Variants in LCLAT1 observed in about 807,000 individuals in gnomAD.
LCLAT1 encodes 1-AGP acyltransferase 8.
LCLAT1 carries 11 observed loss-of-function variants against 30.7 expected under a neutral mutation model. The observed-to-expected ratio is 0.36, with a 90% CI of 0.23 to 0.59. The LOEUF is 0.59. Ranked by LOEUF, LCLAT1 falls within the 20% of genes least tolerant of loss-of-function variation. The pLI is 0.77. For synonymous variants in LCLAT1, 155 were observed against 151.3 expected, an observed-to-expected ratio of 1.02 and a Z score of -0.18; for missense variants, 402 against 458.6, an observed-to-expected ratio of 0.88 and a Z score of 1.13.
chr2:30,514,880 A>G (rs1685109999), intron 1 of LCLAT1, among the ~76,000 whole-genome samples: 1 of 152,206 alleles, frequency 6.6e-6, no homozygotes, highest in South Asian at 2.1e-4. Flanking sequence ...TGAAACGTTT[A>G]TATACATTTC....
At chr2:30,569,802 T>C (rs1665694273) in intron 5 of LCLAT1, among the ~76,000 whole-genome samples, 1 of 152,212 alleles carries the variant, frequency 6.6e-6, no homozygotes, top group South Asian at 2.1e-4. Context: ...TGGTTTGCTT[T>C]TGCAATTCCG....
At chr2:30,534,798 C>G (rs544347230) in intron 3 of LCLAT1, among the ~76,000 whole-genome samples, 2 of 152,082 alleles carry the variant, frequency 1.3e-5, no homozygotes, top group African/African-American at 4.8e-5. Flanking sequence ...TTACCATCCT[C>G]AAAGATTCTA....
At chr2:30,556,980 G>A (rs547203147) in intron 3 of LCLAT1, among the ~76,000 whole-genome samples, 5 of 152,066 alleles carry the variant, frequency 3.3e-5, no homozygotes, top group East Asian at 1.9e-4. Flanking sequence ...CCAACCTCAC[G>A]TGATCCGCCT....
chr2:30,490,123 A>C (rs1572517022), intron 1 of LCLAT1, among the ~76,000 whole-genome samples: 1 of 151,896 alleles, frequency 6.6e-6, no homozygotes, highest in Admixed American at 6.6e-5. Flanking sequence ...GAAATTTCAC[A>C]GTTATTAAGT....
intron 5 of LCLAT1, among the ~76,000 whole-genome samples, chr2:30,576,887 G>A (rs984068000): frequency 1.3e-5 from 2 of 151,308 alleles, no homozygotes; most frequent in Non-Finnish European, 2.9e-5. Flanking sequence ...GTTGAGTATT[G>A]CAAAGTAATA....
At position 30,449,360 on chromosome 2, in the gene LCLAT1, A is replaced by G. The variant is rs115281793; in HGVS notation, c.-5+1977A>G. ...TTTTGTTTGTGATCTTGTGTAAATA[A>G]TAATCATGGTTTATTCCATTGGCGT... is the stretch of plus-strand genomic sequence containing the variant. On this transcript the variant is annotated intron_variant, in intron 1 of 5. Transcript: ENST00000379509. 7.2e-3 allele frequency among the ~76,000 whole-genome samples: 1,098 copies of G among 152,354 alleles called. 10 individuals carry two copies. Among genetic ancestry groups the G allele is most frequent in the Non-Finnish European group, 0.012 (810 of 68,026 alleles).
At chr2:30,479,736 A>G (rs1456892786) in intron 1 of LCLAT1, among the ~76,000 whole-genome samples, 1 of 152,210 alleles carries the variant, frequency 6.6e-6, no homozygotes, top group African/African-American at 2.4e-5. Flanking sequence ...TTATTAAGTC[A>G]TATACTTAGG....
intron 5 of LCLAT1, among the ~76,000 whole-genome samples, chr2:30,575,433 A>G (rs17009815): frequency 2.0e-5 from 3 of 152,218 alleles, no homozygotes; most frequent in Admixed American, 2.0e-4. Context: ...CATCTCTCGC[A>G]TACACACATA....
chr2:30,520,166 C>T (rs1685406623), intron 1 of LCLAT1, among the ~76,000 whole-genome samples: 1 of 152,136 alleles, frequency 6.6e-6, no homozygotes, highest in South Asian at 2.1e-4. Flanking sequence ...TCCGTGAGGC[C>T]AAGAACCCCC....
chr2:30,519,563 A>C (rs961711230), intron 1 of LCLAT1, among the ~76,000 whole-genome samples: 10 of 152,338 alleles, frequency 6.6e-5, no homozygotes, highest in Middle Eastern at 3.4e-3. Context: ...TAGCTGGGGA[A>C]GGTGACCTCA....
intron 5 of LCLAT1, among the ~76,000 whole-genome samples, chr2:30,627,472 G>C (rs937995172): frequency 6.6e-6 from 1 of 152,038 alleles, no homozygotes; most frequent in Non-Finnish European, 1.5e-5. Context: ...TGTTATGTTC[G>C]CAGGCTAGCT....
intron 4 of LCLAT1, 137 bp downstream of exon 4, chr2:30,562,429 AGGAGGCTGAGACT>A (rs1665275112): frequency 1.6e-6 from 1 of 610,362 alleles, no homozygotes; most frequent in South Asian, 3.5e-5. Flanking sequence ...CTAGCTACTC[AGGAGGCTGAGACT>A]GGAAGATGGA....
chr2:30,618,206 G>A (rs866655459), intron 5 of LCLAT1, among the ~76,000 whole-genome samples: 5 of 152,038 alleles, frequency 3.3e-5, no homozygotes, highest in South Asian at 2.1e-4. Flanking sequence ...CTAATGCCAA[G>A]CCTCCATCTT....
chr2:30,621,722 G>A (rs932449394), intron 5 of LCLAT1, among the ~76,000 whole-genome samples: 7 of 152,100 alleles, frequency 4.6e-5, no homozygotes, highest in African/African-American at 1.7e-4. Flanking sequence ...AAATACAGGG[G>A]TAGAGGAAGC....
intron 1 of LCLAT1, among the ~76,000 whole-genome samples, chr2:30,520,413 A>G (rs539557536): frequency 6.6e-6 from 1 of 152,362 alleles, no homozygotes; most frequent in East Asian, 1.9e-4. Context: ...ATATTTAACT[A>G]CAGATGTAAT....
At chr2:30,562,049 T>A in intron 3 of LCLAT1, 97 bp from the exon 4 acceptor site, 1 of 755,404 alleles carries the variant, frequency 1.3e-6, no homozygotes, top group South Asian at 2.7e-5. Context: ...TAATAAATAA[T>A]ATATAGTAAA....
In LCLAT1 at chr2:30,577,054, TC is replaced by T. The variant is rs202228530; in HGVS notation, c.628+8880del. 3.5e-3 allele frequency among the ~76,000 whole-genome samples: 530 copies of T among 150,804 alleles called. 3 individuals carry two copies. The highest frequency in any genetic ancestry group is 0.012 in the African/African-American group (499 of 41,364). Reference sequence around the variant, plus strand: ...AGCTCTCTAAATGAAAGTAGTTTTCTCCATTTTATTTTGCATAGATTATATT... The same window carrying T: ...AGCTCTCTAAATGAAAGTAGTTTTCTCATTTTATTTTGCATAGATTATATT... On this transcript the variant is annotated intron_variant, in intron 5 of 5. Coordinates refer to ENST00000379509, the MANE Select transcript of LCLAT1 (RefSeq NM_001002257.3).
At chr2:30,455,616 T>A (rs973718350) in intron 1 of LCLAT1, among the ~76,000 whole-genome samples, 2 of 152,060 alleles carry the variant, frequency 1.3e-5, no homozygotes, top group African/African-American at 4.8e-5. Flanking sequence ...ATCTTTGTCT[T>A]AGGCTGGGTG....
At chr2:30,466,537 A>C (rs902959357) in intron 1 of LCLAT1, among the ~76,000 whole-genome samples, 3 of 152,146 alleles carry the variant, frequency 2.0e-5, no homozygotes, top group Non-Finnish European at 4.4e-5. Context: ...GTTTATTTAA[A>C]TACTATTTTA....
Sources: gnomAD v4.1 joint callset for allele counts (sites outside exome capture counted in the v4.1 genomes callset) on GRCh38, gnomAD v4.1.1 for gene constraint, MANE v1.5 for transcripts, NCBI Gene and HGNC (gene_info 2026-07-23, HGNC 2026-07-21) for gene names.